Variants in PRSS12 observed in about 807,000 individuals in gnomAD.
PRSS12 encodes serine protease 12.
In PRSS12, 85 loss-of-function variants were observed where a neutral mutation model predicts 104.4. The ratio of observed to expected loss-of-function variants is 0.81; its 90% CI spans 0.68 to 0.98. The LOEUF (loss-of-function observed/expected upper bound fraction) is 0.98. PRSS12 is among the 50% of genes least tolerant of loss of function. The pLI is 0.00. For synonymous variants in PRSS12, 454 were observed against 425.2 expected (o/e 1.07, Z -0.83); for missense variants, 1,141 against 1,139.2 (o/e 1.00, Z -0.02).
At chr4:118,347,022 C>T (rs1553958859) in intron 1 of PRSS12, among the ~76,000 whole-genome samples, 1 of 151,776 alleles carries the variant, frequency 6.6e-6, no homozygotes, top group Non-Finnish European at 1.5e-5. Flanking sequence ...AAATATACAC[C>T]CCTGGACAAT....
intron 2 of PRSS12, among the ~76,000 whole-genome samples, chr4:118,337,784 T>C (rs1488916456): frequency 3.3e-5 from 5 of 152,002 alleles, no homozygotes; most frequent in Admixed American, 3.3e-4. Context: ...TAATTATAAT[T>C]AATAATTAGA....
chr4:118,301,668 TAG>T (rs1358436807), intron 8 of PRSS12, among the ~76,000 whole-genome samples: 2 of 152,254 alleles, frequency 1.3e-5, no homozygotes, highest in African/African-American at 4.8e-5. Flanking sequence ...GTTTTTCACA[TAG>T]GTCTCAATTC....
chr4:118,324,662 CCT>C (rs1723719260), intron 4 of PRSS12, among the ~76,000 whole-genome samples: 1 of 151,992 alleles, frequency 6.6e-6, no homozygotes. Context: ...ATTTTTAAAT[CCT>C]CTCTGAAAAC....
chr4:118,311,235 A>G (rs191365643), intron 7 of PRSS12, among the ~76,000 whole-genome samples: 4 of 152,150 alleles, frequency 2.6e-5, no homozygotes, highest in Admixed American at 1.3e-4. Context: ...GCCAACTCAC[A>G]TAACTGTATT....
At chr4:118,304,573 T>A in intron 8 of PRSS12, among the ~76,000 whole-genome samples, 1 of 151,858 alleles carries the variant, frequency 6.6e-6, no homozygotes, top group South Asian at 2.1e-4. Flanking sequence ...ACAAACATGT[T>A]CAAAAACAAT....
chr4:118,299,759 T>A (rs796541742), intron 8 of PRSS12, among the ~76,000 whole-genome samples: 29 of 40,148 alleles, frequency 7.2e-4, no homozygotes, highest in South Asian at 1.7e-3. Flanking sequence ...ATAAAATAAA[T>A]AAAATTAAAT....
chr4:118,299,686 T>TAACAAAATA (rs1560768146), intron 8 of PRSS12, among the ~76,000 whole-genome samples: 22 of 119,312 alleles, frequency 1.8e-4, no homozygotes, highest in African/African-American at 6.6e-4. Context: ...GTCTCAAAAA[T>TAACAAAATA]AATAAAATAA....
intron 4 of PRSS12, among the ~76,000 whole-genome samples, chr4:118,326,590 G>A (rs17516450): frequency 0.11 from 17,345 of 152,090 alleles, 1,327 homozygotes; most frequent in South Asian, 0.19. Context: ...TCTAAAACAC[G>A]GTCACTATCA....
chr4:118,318,138 G>A (rs1201931497), intron 5 of PRSS12, among the ~76,000 whole-genome samples: 2 of 152,170 alleles, frequency 1.3e-5, no homozygotes, highest in Non-Finnish European at 2.9e-5. Flanking sequence ...CTGCAACAAA[G>A]TCCTATTTTC....
chr4:118,315,616 C>T (rs570625201), intron 6 of PRSS12, among the ~76,000 whole-genome samples: 1 of 152,102 alleles, frequency 6.6e-6, no homozygotes, highest in South Asian at 2.1e-4. Flanking sequence ...CAACTTAAGT[C>T]TTTACTCTGG....
intron 3 of PRSS12, among the ~76,000 whole-genome samples, chr4:118,332,849 A>G (rs1223713661): frequency 1.3e-5 from 2 of 152,218 alleles, no homozygotes; most frequent in East Asian, 3.8e-4. Flanking sequence ...TAACAAACAG[A>G]TATCAGACAT....
chr4:118,281,543 A>G lies in PRSS12; in HGVS notation c.*393T>C. On this transcript the variant is annotated 3_prime_UTR_variant, in exon 13 of 13. Coordinates refer to ENST00000296498, the MANE Select transcript of PRSS12 (RefSeq NM_003619.4). ...GCCACTCATGAGTGTAGTAAAGGGT[A>G]CCGCATTTATGTCAAATGTGGGTAT... 4.5e-5 allele frequency: 13 copies of G among 287,558 alleles called. No homozygotes were observed. The highest frequency in any genetic ancestry group is 8.5e-5 in the East Asian group (1 of 11,790). The allele number at this position is 287,558 out of a possible 1,614,324, so 17.8% of individuals were successfully genotyped here. A position where few individuals can be genotyped will look rare whatever the true frequency, so the allele number is the denominator to read the frequency against.
intron 4 of PRSS12, among the ~76,000 whole-genome samples, chr4:118,321,867 T>A (rs997646236): frequency 2.0e-5 from 3 of 152,186 alleles, no homozygotes; most frequent in African/African-American, 7.2e-5. Context: ...GAAATATTTA[T>A]GGAAGTAATT....
chr4:118,291,669 G>A (rs1743131054), intron 11 of PRSS12, among the ~76,000 whole-genome samples: 1 of 151,932 alleles, frequency 6.6e-6, no homozygotes, highest in Non-Finnish European at 1.5e-5. Flanking sequence ...TCTGTTTGAT[G>A]GACACAGTGC....
Position 118,302,707 on chromosome 4 carries a change from G to A in PRSS12, c.1632-3769C>T, listed in dbSNP as rs151217235. Among the ~76,000 whole-genome samples the A allele has an allele frequency of 5.4e-3, 821 of 152,270 alleles. 7 individuals are homozygous for A. Among genetic ancestry groups the A allele is most frequent in the African/African-American group, 0.018 (753 of 41,550 alleles). ...CTCCCAAAGTGCTGGGATTACAGGCGTGAGCCACCGTGCCCAGCTGTATTG... is the reference window on the plus strand; with the variant it reads ...CTCCCAAAGTGCTGGGATTACAGGCATGAGCCACCGTGCCCAGCTGTATTG... On this transcript the variant is annotated intron_variant, in intron 8 of 12. Coordinates refer to ENST00000296498, the MANE Select transcript of PRSS12 (RefSeq NM_003619.4).
intron 8 of PRSS12, among the ~76,000 whole-genome samples, chr4:118,308,173 G>A (rs773666521): frequency 1.3e-5 from 2 of 152,190 alleles, no homozygotes; most frequent in African/African-American, 2.4e-5. Flanking sequence ...GCTGTATTAT[G>A]ACTAGTCAGA....
chr4:118,319,917 C>A (rs774861087), intron 4 of PRSS12, among the ~76,000 whole-genome samples: 1 of 152,160 alleles, frequency 6.6e-6, no homozygotes, highest in Non-Finnish European at 1.5e-5. Context: ...CTCAAGCAAT[C>A]TTCCCACCTC....
rs2126048476 is a variant in PRSS12, at chr4:118,352,857, T to C, written c.-137A>G. 3.4e-6 allele frequency: 5 copies of C among 1,469,600 alleles called. No individual in the cohort carries two copies. The highest frequency in any genetic ancestry group is 4.5e-6 in the Non-Finnish European group (5 of 1,109,854). 91.0% of individuals were successfully genotyped at this position (1,469,600 alleles called of 1,614,324 possible). A position where few individuals can be genotyped will look rare whatever the true frequency, so the allele number is the denominator to read the frequency against. On this transcript the variant is annotated 5_prime_UTR_variant, in exon 1 of 13. Transcript: ENST00000296498. ...TCCCGCCCCCGCACGCGGACCGCCC[T>C]CGCCTCCCCAACCTTGCCTCCCGCC...
intron 1 of PRSS12, among the ~76,000 whole-genome samples, chr4:118,347,744 A>G (rs1724394151): frequency 6.6e-6 from 1 of 152,152 alleles, no homozygotes; most frequent in South Asian, 2.1e-4. Flanking sequence ...AATGGGGTGC[A>G]GTGTCATGAC....
Sources: gnomAD v4.1 joint callset for allele counts (sites outside exome capture counted in the v4.1 genomes callset) on GRCh38, gnomAD v4.1.1 for gene constraint, MANE v1.5 for transcripts, NCBI Gene and HGNC (gene_info 2026-07-23, HGNC 2026-07-21) for gene names.